The following NOX4 variants were observed in gnomAD, a reference collection of about 807,000 sequenced individuals.
NOX4 encodes the protein NADPH oxidase 4.
In NOX4, 69 loss-of-function variants were observed where a neutral mutation model predicts 87.6. The ratio of observed to expected loss-of-function variants is 0.79; its 90% CI spans 0.65 to 0.96. The LOEUF (loss-of-function observed/expected upper bound fraction) is 0.96, where lower values mean the gene tolerates loss of function less well. Among genes scored for constraint, NOX4 ranks in the 40% least tolerant of loss-of-function variants. NOX4 has a pLI of 0.00. For synonymous variants in NOX4, 275 were observed against 238.2 expected, an observed-to-expected ratio of 1.15 and a Z score of -1.42; for missense variants, 680 against 681.5, an observed-to-expected ratio of 1.00 and a Z score of 0.02.
chr11:89,541,451 T>C, the NOX4 span, among the ~76,000 whole-genome samples: 2 of 152,212 alleles, frequency 1.3e-5, no homozygotes, highest in Non-Finnish European at 2.9e-5. Flanking sequence ...ACATATGTTT[T>C]AGATTTTAAT....
intron 8 of NOX4, among the ~76,000 whole-genome samples, chr11:89,410,411 C>T (rs1942412403): frequency 6.6e-6 from 1 of 152,142 alleles, no homozygotes; most frequent in South Asian, 2.1e-4. Flanking sequence ...CTAATTAATG[C>T]AATTCAGCTT....
the NOX4 span, among the ~76,000 whole-genome samples, chr11:89,543,804 G>C: frequency 1.3e-5 from 2 of 152,068 alleles, no homozygotes; most frequent in African/African-American, 4.8e-5. Flanking sequence ...GTCTGAATTT[G>C]ATAGATCATT....
chr11:89,540,552 C>T, the NOX4 span, among the ~76,000 whole-genome samples: 1 of 151,628 alleles, frequency 6.6e-6, no homozygotes, highest in Non-Finnish European at 1.5e-5. Context: ...CTTTGGGAGA[C>T]CGAGATGGGT....
the NOX4 span, among the ~76,000 whole-genome samples, chr11:89,543,496 TA>T: frequency 6.6e-6 from 1 of 152,104 alleles, no homozygotes; most frequent in Non-Finnish European, 1.5e-5. Context: ...CAGAAAAATG[TA>T]AGTATTCTCT....
the NOX4 span, among the ~76,000 whole-genome samples, chr11:89,561,015 T>TATATATATATAC: frequency 0.027 from 2,134 of 80,032 alleles, 73 homozygotes; most frequent in Non-Finnish European, 0.032. Context: ...TATATATATA[T>TATATATATATAC]ATATACATAC....
chr11:89,506,131 C>T, the NOX4 span, among the ~76,000 whole-genome samples: 1 of 151,238 alleles, frequency 6.6e-6, no homozygotes, highest in African/African-American at 2.4e-5. Context: ...TGATTTGTGA[C>T]AATGTTTAAT....
chr11:89,431,914 C>A (rs934577662), intron 7 of NOX4, among the ~76,000 whole-genome samples: 26 of 152,138 alleles, frequency 1.7e-4, no homozygotes, highest in African/African-American at 6.0e-4. Context: ...ATGTTTATTG[C>A]GGCACTATTC....
At position 89,390,641 on chromosome 11, in the gene NOX4, C is replaced by T. The variant is rs548850519; in HGVS notation, c.1074+9376G>A. Among the ~76,000 whole-genome samples the T allele has an allele frequency of 5.3e-5, 8 of 152,198 alleles. No homozygotes were observed. In the South Asian group the frequency reaches 6.2e-4, roughly 12 times the overall value. ...GCTAGATGAATCCAAGAAATATTGA[C>T]GGCATTTGTCAGATAAGCACAGAAT... On this transcript the variant is annotated intron_variant, in intron 11 of 17. Coordinates refer to ENST00000263317, the MANE Select transcript of NOX4 (RefSeq NM_016931.5).
At chr11:89,502,157 G>A (rs1947029135), upstream of NOX4, among the ~76,000 whole-genome samples, 1 of 151,666 alleles carries the variant, frequency 6.6e-6, no homozygotes, top group Non-Finnish European at 1.5e-5. Context: ...GAAAGATGAG[G>A]GTGCATGGAC....
intron 17 of NOX4, among the ~76,000 whole-genome samples, chr11:89,332,681 C>T (rs940778850): frequency 6.6e-6 from 1 of 151,868 alleles, no homozygotes; most frequent in Non-Finnish European, 1.5e-5. Context: ...AAGATTGCCA[C>T]TCTTTATCTG....
At chr11:89,561,029 C>A in the NOX4 span, among the ~76,000 whole-genome samples, 1 of 78,634 alleles carries the variant, frequency 1.3e-5, no homozygotes, top group Non-Finnish European at 2.5e-5. Context: ...TACATACACA[C>A]ACACATACAC....
At chr11:89,575,390 A>G in the NOX4 span, among the ~76,000 whole-genome samples, 1 of 152,240 alleles carries the variant, frequency 6.6e-6, no homozygotes, top group Non-Finnish European at 1.5e-5. Flanking sequence ...AACAGCCTAC[A>G]GATCTGTAGA....
intron 2 of NOX4, among the ~76,000 whole-genome samples, chr11:89,471,640 T>C (rs369994088): frequency 1.3e-5 from 2 of 152,318 alleles, no homozygotes; most frequent in East Asian, 3.9e-4. Flanking sequence ...AGGCATTCCA[T>C]GGGAACAAGA....
At chr11:89,431,870 T>C (rs1446711031) in intron 7 of NOX4, among the ~76,000 whole-genome samples, 1 of 152,208 alleles carries the variant, frequency 6.6e-6, no homozygotes, top group Non-Finnish European at 1.5e-5. Flanking sequence ...CAAAGGATTA[T>C]AAATCATGCT....
intron 2 of NOX4, among the ~76,000 whole-genome samples, chr11:89,454,531 A>C (rs1945103950): frequency 6.6e-6 from 1 of 152,132 alleles, no homozygotes; most frequent in Admixed American, 6.6e-5. Flanking sequence ...TATTTAGCCA[A>C]CTGTACTGTT....
chr11:89,354,876 G>T (rs1226314674), intron 13 of NOX4, 86 bp downstream of exon 13: 2 of 706,694 alleles, frequency 2.8e-6, no homozygotes, highest in South Asian at 2.0e-5. Context: ...TCTTAAGAAA[G>T]ATTACATTTT....
At chr11:89,561,085 A>ATATATC in the NOX4 span, among the ~76,000 whole-genome samples, 1 of 120,570 alleles carries the variant, frequency 8.3e-6, no homozygotes, top group Non-Finnish European at 1.7e-5. Context: ...ATATATATAT[A>ATATATC]TCCTATCAGT....
chr11:89,506,297 A>AAGAAAGAGAAAG, the NOX4 span, among the ~76,000 whole-genome samples: 84,061 of 144,610 alleles, frequency 0.58, 25,561 homozygotes, highest in Non-Finnish European at 0.69. Context: ...GAAAGAAAGA[A>AAGAAAGAGAAAG]AGAAAGAGAG....
At chr11:89,588,683 G>T in the NOX4 span, among the ~76,000 whole-genome samples, 1 of 152,242 alleles carries the variant, frequency 6.6e-6, no homozygotes, top group Middle Eastern at 3.4e-3. Flanking sequence ...TGAAAAAATG[G>T]TTGGCTGATT....
Sources: allele counts gnomAD v4.1 joint callset (sites outside exome capture counted in the v4.1 genomes callset), GRCh38; gene constraint gnomAD v4.1.1; transcripts MANE v1.5; gene names NCBI Gene and HGNC (gene_info 2026-07-23, HGNC 2026-07-21).